KCTD19: variants seen among roughly 807,000 people sequenced by gnomAD.
The protein encoded by KCTD19 is BTB/POZ domain-containing protein KCTD19.
Under a neutral mutation model 103.5 loss-of-function variants are expected in KCTD19, and 67 were observed. The ratio of observed to expected loss-of-function variants is 0.65; its 90% CI spans 0.53 to 0.79. KCTD19 has a LOEUF of 0.79. Ranked by LOEUF, KCTD19 falls within the 30% of genes least tolerant of loss-of-function variation. KCTD19 has a pLI of 0.00. For missense variants in KCTD19, 980 were observed against 1,136.1 expected (o/e 0.86, Z 1.98); for synonymous variants, 439 against 452.2 (o/e 0.97, Z 0.37).
In KCTD19 at chr16:67,303,795, C is replaced by G. The variant is rs1037035185; in HGVS notation, c.452-458G>C. 6.6e-6 allele frequency among the ~76,000 whole-genome samples: 1 copy of G among 152,222 alleles called. No individual in the cohort carries two copies. Among genetic ancestry groups the G allele is most frequent in the Admixed American group, 6.5e-5 (1 of 15,286 alleles). On this transcript the variant is annotated intron_variant, in intron 3 of 15. Coordinates refer to ENST00000304372, the MANE Select transcript of KCTD19 (RefSeq NM_001100915.3). This position sits in a 1 kb window ranked among gnomAD's most constrained non-coding sequence, Gnocchi z 4.3. ...CTCCTGACCTCACGTGATCCATCTG[C>G]CTCAGCCTCCCAAAATGCTGGGATT... is the stretch of plus-strand genomic sequence containing the variant.
rs1243166695 is a variant in KCTD19, at chr16:67,326,697, C to A, written c.3+8G>T. On this transcript the variant is annotated splice_region_variant and intron_variant, in intron 1 of 15. Transcript: ENST00000304372. ...CTTTTGGCGCCCCCGCCAGAGCGGG[C>A]TCCGTACCATGGTCGCGGCTCCAGC... The A allele has an allele frequency of 2.5e-6, 4 of 1,582,210 alleles. No individual in the cohort carries two copies. The highest frequency in any genetic ancestry group is 1.1e-5 in the South Asian group (1 of 89,200).
chr16:67,291,500 C>T (rs1241103875), intron 13 of KCTD19, 37 bp from the exon 14 acceptor site: 2 of 1,604,420 alleles, frequency 1.2e-6, no homozygotes, highest in African/African-American at 1.3e-5. Context: ...CCACATCTGT[C>T]AATAGCTAGG....
At chr16:67,289,743 G>C in intron 15 of KCTD19, 61 bp from the exon 16 acceptor site, 1 of 1,269,234 alleles carries the variant, frequency 7.9e-7, no homozygotes, top group Non-Finnish European at 1.1e-6. Context: ...CTAGCTCCAT[G>C]TGGGTGGGGT....
At chr16:67,294,483 G>A (rs1402429024) in intron 11 of KCTD19, 97 bp downstream of exon 11, 3 of 843,056 alleles carry the variant, frequency 3.6e-6, no homozygotes, top group Non-Finnish European at 5.9e-6. Context: ...CTTTCATTTT[G>A]CTGCACCCAC....
At chr16:67,319,326 T>C (rs1009780609) in intron 2 of KCTD19, among the ~76,000 whole-genome samples, 2 of 152,180 alleles carry the variant, frequency 1.3e-5, no homozygotes, top group African/African-American at 4.8e-5. Flanking sequence ...ACATGCACTA[T>C]GAAATGTTCT....
intron 2 of KCTD19, among the ~76,000 whole-genome samples, chr16:67,306,569 A>C (rs558741786): frequency 6.6e-6 from 1 of 151,360 alleles, no homozygotes; most frequent in African/African-American, 2.4e-5. Flanking sequence ...CTGCCTCTCC[A>C]TTTTCTCTCC....
intron 6 of KCTD19, among the ~76,000 whole-genome samples, chr16:67,298,294 G>A (rs933049225): frequency 2.6e-5 from 4 of 151,972 alleles, no homozygotes; most frequent in Non-Finnish European, 4.4e-5. Flanking sequence ...CGCCCAGCCC[G>A]TTTCCTTGTT....
chr16:67,298,721 C>T (rs954939125), intron 6 of KCTD19, among the ~76,000 whole-genome samples: 3 of 152,224 alleles, frequency 2.0e-5, no homozygotes, highest in Non-Finnish European at 4.4e-5. Flanking sequence ...CTCCCAGGGG[C>T]TCCAGAAAAC....
At position 67,291,390 on chromosome 16, in the gene KCTD19, A is replaced by G. The variant is rs1251613671; in HGVS notation, c.2484T>C (p.Ala828=). 2 of 1,614,228 alleles carry G rather than the reference A, an allele frequency of 1.2e-6. No homozygotes were observed. The highest frequency in any genetic ancestry group is 1.3e-5 in the African/African-American group (1 of 75,066). ...GCCTGATGGAATCCATGATGATGTCAGCCAGGAAGCAGTGACATTTCTGTG... is the reference window on the plus strand; with the variant it reads ...GCCTGATGGAATCCATGATGATGTCGGCCAGGAAGCAGTGACATTTCTGTG... ...FYAQKCHCFL[A]DIIMDSIRQK... Residue 828 remains alanine, a synonymous_variant, in exon 14 of 16, where the codon GCT becomes GCC. Transcript: ENST00000304372.
chr16:67,322,298 CTT>C (rs565832620), intron 1 of KCTD19, among the ~76,000 whole-genome samples: 22 of 138,212 alleles, frequency 1.6e-4, no homozygotes, highest in African/African-American at 1.6e-4. Flanking sequence ...ACTATAAAAT[CTT>C]TTTTTTTTTT....
chr16:67,289,731 C>G (rs2036651483), intron 15 of KCTD19, 49 bp from the exon 16 acceptor site: 1 of 1,396,762 alleles, frequency 7.2e-7, no homozygotes, highest in Non-Finnish European at 1.0e-6. Context: ...CAGTTGTCTA[C>G]TCTAGCTCCA....
chr16:67,315,311 CT>C (rs771972233), intron 2 of KCTD19, among the ~76,000 whole-genome samples: 400 of 141,246 alleles, frequency 2.8e-3, no homozygotes, highest in Admixed American at 2.5e-3. Context: ...AACTATTCCT[CT>C]TTTTTTTTTT....
In KCTD19 at chr16:67,323,723, T is replaced by C. The variant is rs114932500; in HGVS notation, c.4-2838A>G. On this transcript the variant is annotated intron_variant, in intron 1 of 15. Transcript: ENST00000304372. This position sits in a 1 kb window ranked among gnomAD's most constrained non-coding sequence, Gnocchi z 4.1. ...TAGGGCTGGAGAGGCTATGGGGAGA[T>C]GGGGTGTGACTACTAATGAGTATGG... Among the ~76,000 whole-genome samples the C allele has an allele frequency of 6.3e-3, 958 of 151,976 alleles. 8 individuals carry two copies. Among genetic ancestry groups the C allele is most frequent in the African/African-American group, 0.022 (895 of 41,440 alleles).
At chr16:67,314,799 T>TTATATATATA (rs138495581) in intron 2 of KCTD19, among the ~76,000 whole-genome samples, 33 of 45,884 alleles carry the variant, frequency 7.2e-4, no homozygotes, top group African/African-American at 2.3e-3. Context: ...TCACTTAGCA[T>TTATATATATA]TATATATATA....
chr16:67,314,127 G>C (rs1446088367), intron 2 of KCTD19, among the ~76,000 whole-genome samples: 1 of 151,786 alleles, frequency 6.6e-6, no homozygotes, highest in Non-Finnish European at 1.5e-5. Context: ...AAAGTGTTGA[G>C]ATTACAGGTG....
rs372655932 is a variant in KCTD19 at position 67,291,367 on chromosome 16, C to G, written c.2507G>C (p.Arg836Thr). 6.2e-6 allele frequency: 10 copies of G among 1,614,220 alleles called. No individual in the cohort carries two copies. Among genetic ancestry groups the G allele is most frequent in the Non-Finnish European group, 8.5e-6 (10 of 1,180,046 alleles). ...TGTGATGGCTTTGGGGTCCTTTTGC[C>G]TGATGGAATCCATGATGATGTCAGC... The part of the protein sequence containing the change: ...FLADIIMDSI[R>T]QKDPKAITAK... Residue 836 changes from arginine to threonine, a missense_variant, in exon 14 of 16, where the codon AGG (arginine) becomes ACG (threonine). Physicochemically the swap from Arg to Thr is moderately conservative, Grantham distance 71. Coordinates refer to ENST00000304372, the MANE Select transcript of KCTD19 (RefSeq NM_001100915.3).
At position 67,323,118 on chromosome 16, in the gene KCTD19, G is replaced by C. The variant is rs2037093895; in HGVS notation, c.4-2233C>G. ...GCTGGTGGAGGTGTAAAATGGTGCA[G>C]GCACTTTGGAAAACAGTTTGGTGGG... On this transcript the variant is annotated intron_variant, in intron 1 of 15. Coordinates refer to ENST00000304372, the MANE Select transcript of KCTD19 (RefSeq NM_001100915.3). The surrounding 1 kb of genome is among the most constrained non-coding windows in gnomAD (Gnocchi z 4.1). 6.6e-6 allele frequency among the ~76,000 whole-genome samples: 1 copy of C among 152,184 alleles called. No homozygotes were observed. Among genetic ancestry groups the C allele is most frequent in the Non-Finnish European group, 1.5e-5 (1 of 68,028 alleles).
chr16:67,322,781 G>T (rs1389934340), intron 1 of KCTD19, among the ~76,000 whole-genome samples: 1 of 152,200 alleles, frequency 6.6e-6, no homozygotes, highest in African/African-American at 2.4e-5. Flanking sequence ...ATAACTCACA[G>T]AATGGAACAA....
rs763176553 is a variant in KCTD19 at position 67,297,639 on chromosome 16, C to A, written c.1011G>T (p.Leu337=). The part of the protein sequence containing the change: ...HVKNWLGTCR[L]PLTETISEVY... ...CCTCGGAAATGGTCTCTGTCAGGGG[C>A]AGCCGGCAAGTCCCCAGCCAGTTCC... Residue 337 remains leucine, a synonymous_variant, in exon 7 of 16, where the codon CTG becomes CTT. Transcript: ENST00000304372. 5.0e-6 allele frequency: 8 copies of A among 1,613,932 alleles called. No homozygotes were observed. Among genetic ancestry groups the A allele is most frequent in the Non-Finnish European group, 6.8e-6 (8 of 1,179,998 alleles).
Sources: allele counts gnomAD v4.1 joint callset (sites outside exome capture counted in the v4.1 genomes callset), GRCh38; gene constraint gnomAD v4.1.1; non-coding constraint Gnocchi (gnomAD v3.1); transcripts MANE v1.5; gene names NCBI Gene and HGNC (gene_info 2026-07-23, HGNC 2026-07-21).